FER: variants seen among roughly 807,000 people sequenced by gnomAD.
FER encodes tyrosine-protein kinase Fer.
In FER, 63 loss-of-function variants were observed where a neutral mutation model predicts 111.0. That is an observed-to-expected ratio of 0.57 (90% CI 0.46 to 0.70). The LOEUF is 0.70. FER is among the 30% of genes least tolerant of loss of function. The pLI, the probability that FER is intolerant of heterozygous loss-of-function variation, is 0.00. For synonymous variants in FER, 327 were observed against 313.9 expected (o/e 1.04, Z -0.44); for missense variants, 914 against 954.0 (o/e 0.96, Z 0.55).
At chr5:109,128,136 C>A (rs1288863003) in intron 17 of FER, among the ~76,000 whole-genome samples, 5 of 151,852 alleles carry the variant, frequency 3.3e-5, no homozygotes, top group Non-Finnish European at 7.4e-5. Context: ...TTATCCTAGC[C>A]ATGAAAAAGA....
intron 13 of FER, among the ~76,000 whole-genome samples, chr5:108,973,879 A>T (rs1194594018): frequency 1.3e-5 from 2 of 152,146 alleles, no homozygotes; most frequent in African/African-American, 2.4e-5. Context: ...AGACCTTAGG[A>T]ATCATTTCTT....
chr5:109,147,010 G>A (rs1157323592), intron 17 of FER, among the ~76,000 whole-genome samples: 1 of 151,830 alleles, frequency 6.6e-6, no homozygotes, highest in Non-Finnish European at 1.5e-5. Context: ...GAGGAATACA[G>A]AATATATGTG....
At chr5:109,154,982 G>A (rs75194610) in intron 17 of FER, among the ~76,000 whole-genome samples, 1 of 151,854 alleles carries the variant, frequency 6.6e-6, no homozygotes, top group South Asian at 2.1e-4. Flanking sequence ...GGAACTCTGA[G>A]AAACCAGTGT....
intron 10 of FER, among the ~76,000 whole-genome samples, chr5:108,918,924 A>G (rs1752644273): frequency 6.6e-6 from 1 of 152,212 alleles, no homozygotes; most frequent in Admixed American, 6.5e-5. Context: ...CAGATATTCT[A>G]TACTTGTTTG....
At chr5:109,043,884 T>C (rs1771558054) in intron 14 of FER, among the ~76,000 whole-genome samples, 1 of 151,900 alleles carries the variant, frequency 6.6e-6, no homozygotes, top group Non-Finnish European at 1.5e-5. Context: ...GACAGGAGAA[T>C]TGCTTGAACC....
chr5:109,000,534 G>A (rs1764622735), intron 13 of FER, among the ~76,000 whole-genome samples: 1 of 151,862 alleles, frequency 6.6e-6, no homozygotes, highest in Non-Finnish European at 1.5e-5. Flanking sequence ...AGCATGAAAT[G>A]CCCACAAGAG....
At chr5:109,047,228 G>T in intron 16 of FER, 30 bp downstream of exon 16, 1 of 1,281,980 alleles carries the variant, frequency 7.8e-7, no homozygotes, top group South Asian at 1.3e-5. Context: ...TTTGCATGAT[G>T]ACATTTTAAT....
At chr5:109,103,727 G>A (rs1334541941) in intron 17 of FER, among the ~76,000 whole-genome samples, 1 of 152,104 alleles carries the variant, frequency 6.6e-6, no homozygotes, top group Non-Finnish European at 1.5e-5. Flanking sequence ...ACTTTGTGGT[G>A]TGTGTATGTT....
intron 13 of FER, among the ~76,000 whole-genome samples, chr5:109,034,380 C>A (rs1770074570): frequency 6.6e-6 from 1 of 152,038 alleles, no homozygotes; most frequent in Non-Finnish European, 1.5e-5. Context: ...AGGCTTACTT[C>A]TTTTCATTTC....
intron 16 of FER, among the ~76,000 whole-genome samples, chr5:109,053,914 A>G (rs1462790529): frequency 5.5e-4 from 83 of 151,832 alleles, no homozygotes; most frequent in Non-Finnish European, 2.2e-4. Context: ...GATGGTCTCG[A>G]TCTCCTGACC....
At chr5:108,778,619 CG>C (rs750156540) in intron 2 of FER, among the ~76,000 whole-genome samples, 18 of 151,982 alleles carry the variant, frequency 1.2e-4, no homozygotes, top group Non-Finnish European at 1.9e-4. Flanking sequence ...ATTTTCTGTC[CG>C]TGTATATTAT....
chr5:109,137,350 C>T (rs1753008832), intron 17 of FER, among the ~76,000 whole-genome samples: 1 of 152,204 alleles, frequency 6.6e-6, no homozygotes, highest in South Asian at 2.1e-4. Flanking sequence ...ATTGACTCTC[C>T]CTTAGGGTTT....
At chr5:108,789,185 A>G (rs1202261658) in intron 2 of FER, among the ~76,000 whole-genome samples, 1 of 152,222 alleles carries the variant, frequency 6.6e-6, no homozygotes, top group African/African-American at 2.4e-5. Flanking sequence ...ATCTTTTTAA[A>G]CTATTGTATT....
intron 5 of FER, among the ~76,000 whole-genome samples, chr5:108,845,170 T>G (rs751269612): frequency 1.3e-5 from 2 of 148,394 alleles, no homozygotes; most frequent in Non-Finnish European, 1.5e-5. Flanking sequence ...GACTTTTGTT[T>G]TGTTTTGTTT....
At chr5:108,986,645 AT>A (rs1554108798) in intron 13 of FER, among the ~76,000 whole-genome samples, 2 of 152,080 alleles carry the variant, frequency 1.3e-5, no homozygotes, top group Non-Finnish European at 1.5e-5. Context: ...TGAGGATCCA[AT>A]TTCATTCTTC....
At chr5:108,785,826 T>G (rs1405501656) in intron 2 of FER, among the ~76,000 whole-genome samples, 4 of 152,232 alleles carry the variant, frequency 2.6e-5, no homozygotes, top group Non-Finnish European at 4.4e-5. Context: ...CTTCTTCACT[T>G]GGGTGAGGTA....
chr5:108,960,593 A>G (rs1453450203), intron 13 of FER, among the ~76,000 whole-genome samples: 1 of 152,082 alleles, frequency 6.6e-6, no homozygotes, highest in Non-Finnish European at 1.5e-5. Flanking sequence ...CTTCATCTGT[A>G]AATGAATGCT....
chr5:109,105,509 A>G (rs993378782), intron 17 of FER, among the ~76,000 whole-genome samples: 14 of 152,284 alleles, frequency 9.2e-5, no homozygotes, highest in African/African-American at 3.1e-4. Context: ...ATAAAATAAA[A>G]TGTTTTCTGT....
intron 10 of FER, among the ~76,000 whole-genome samples, chr5:108,922,795 A>G (rs1297455282): frequency 6.6e-6 from 1 of 152,176 alleles, no homozygotes; most frequent in Non-Finnish European, 1.5e-5. Flanking sequence ...TGAATATATC[A>G]ACACTTAAGT....
Sources: gnomAD v4.1 joint callset for allele counts (sites outside exome capture counted in the v4.1 genomes callset) on GRCh38, gnomAD v4.1.1 for gene constraint, MANE v1.5 for transcripts, NCBI Gene and HGNC (gene_info 2026-07-23, HGNC 2026-07-21) for gene names.